Variants in SURF4 observed in about 807,000 individuals in gnomAD.
SURF4 encodes the protein surfeit locus protein 4.
In SURF4, 3 loss-of-function variants were observed where a neutral mutation model predicts 30.0. The observed-to-expected ratio is 0.10, with a 90% CI of 0.05 to 0.26. The LOEUF is 0.26. Among genes scored for constraint, SURF4 ranks in the 10% least tolerant of loss-of-function variants. The probability of loss-of-function intolerance (pLI) is 1.00; values close to 1 mark genes in which losing one functional copy is unlikely to be tolerated. For synonymous variants in SURF4, 143 were observed against 139.9 expected (o/e 1.02, Z -0.16); for missense variants, 217 against 350.8 (o/e 0.62, Z 3.05).
chr9:133,364,243 A>C (rs2130100266), intron 5 of SURF4, among the ~76,000 whole-genome samples: 30 of 152,218 alleles, frequency 2.0e-4, no homozygotes, highest in Non-Finnish European at 4.0e-4. Flanking sequence ...CAGTGAGGAA[A>C]GAAAGAAGAG....
chr9:133,368,428 C>T (rs1428564590), intron 1 of SURF4, among the ~76,000 whole-genome samples: 1 of 152,276 alleles, frequency 6.6e-6, no homozygotes, highest in Non-Finnish European at 1.5e-5. Context: ...GAGCTCTCCC[C>T]TGCAAGCTCA....
upstream of SURF4, chr9:133,376,486 G>C: frequency 1.3e-6 from 2 of 1,593,302 alleles, no homozygotes; most frequent in African/African-American, 1.3e-5. Flanking sequence ...GCTTGGGCCA[G>C]GGTCCAATCG....
chr9:133,375,618 C>T lies in SURF4; in HGVS notation c.48+304G>A, dbSNP rs2130238930. Among the ~76,000 whole-genome samples, 520 of 152,284 alleles carry T rather than the reference C, an allele frequency of 3.4e-3. 11 individuals are homozygous for T. Among genetic ancestry groups the T allele is most frequent in the Admixed American group, 3.5e-3 (54 of 15,308 alleles). ...GACCCAACGCCAGGACTCGCGCCGC[C>T]GGCCCGGGAAGAAACCCCCACAGCC... is the stretch of plus-strand genomic sequence containing the variant. On this transcript the variant is annotated intron_variant, in intron 1 of 5. Coordinates refer to ENST00000371989, the MANE Select transcript of SURF4 (RefSeq NM_033161.4).
At chr9:133,367,179 G>A (rs1230624850) in intron 2 of SURF4, 80 bp downstream of exon 2, 2 of 1,531,346 alleles carry the variant, frequency 1.3e-6, no homozygotes, top group African/African-American at 1.4e-5. Context: ...AGACCCCCGA[G>A]TTCACACACA....
chr9:133,376,543 C>G, upstream of SURF4: 1 of 1,598,798 alleles, frequency 6.3e-7, no homozygotes, highest in Non-Finnish European at 8.5e-7. Context: ...CCCCGGAGAG[C>G]CCATGGAGAA....
At chr9:133,376,418 C>T, upstream of SURF4, 1 of 1,493,584 alleles carries the variant, frequency 6.7e-7, no homozygotes, top group Admixed American at 2.5e-5. Flanking sequence ...GTCCCACTGA[C>T]CCACGCGGGG....
upstream of SURF4, chr9:133,376,292 G>C: frequency 7.5e-7 from 1 of 1,335,064 alleles, no homozygotes; most frequent in Non-Finnish European, 9.5e-7. Flanking sequence ...GGTCCCTCCC[G>C]GCCCGGCGGA....
At chr9:133,366,328 A>C (rs1837171001) in intron 3 of SURF4, among the ~76,000 whole-genome samples, 1 of 152,186 alleles carries the variant, frequency 6.6e-6, no homozygotes, top group Non-Finnish European at 1.5e-5. Context: ...CAACGTGATA[A>C]CAAGACAGCA....
Position 133,366,485 on chromosome 9 carries a change from G to A in SURF4, c.312+114C>T, listed in dbSNP as rs1588709639. ...AAGAGAAAGGAGCTCCAGGCAGTCAGAGACATGCAGGGGGCTGAAGGGGGA... is the reference window on the plus strand; with the variant it reads ...AAGAGAAAGGAGCTCCAGGCAGTCAAAGACATGCAGGGGGCTGAAGGGGGA... On this transcript the variant is annotated intron_variant, in intron 3 of 5. Coordinates refer to ENST00000371989, the MANE Select transcript of SURF4 (RefSeq NM_033161.4). The A allele has an allele frequency of 5.1e-6, 6 of 1,182,126 alleles. No homozygotes were observed. In the East Asian group the frequency reaches 1.4e-4, roughly 28 times the overall value. The allele number at this position is 1,182,126 out of a possible 1,614,324, so 73.2% of individuals were successfully genotyped here.
intron 4 of SURF4, among the ~76,000 whole-genome samples, chr9:133,365,420 C>A (rs1837111285): frequency 6.6e-6 from 1 of 152,142 alleles, no homozygotes; most frequent in Non-Finnish European, 1.5e-5. Flanking sequence ...CTCTACTATT[C>A]TAGGGGCTCT....
chr9:133,366,818 TTAA>T lies in SURF4; in HGVS notation c.236-146_236-144del, dbSNP rs2130133247. Reference sequence around the variant, plus strand: ...AAGCAAAAGACAACTTCTGGAAGAATTAATGATAGGCAAGGACCACACATGGTA... The same window carrying T: ...AAGCAAAAGACAACTTCTGGAAGAATTGATAGGCAAGGACCACACATGGTA... On this transcript the variant is annotated intron_variant, in intron 2 of 5. Coordinates refer to ENST00000371989, the MANE Select transcript of SURF4 (RefSeq NM_033161.4). The T allele has an allele frequency of 6.5e-3, 4,466 of 690,962 alleles. 26 individuals are homozygous for T. Among genetic ancestry groups the T allele is most frequent in the Non-Finnish European group, 9.3e-3 (3,643 of 392,802 alleles). The allele number at this position is 690,962 out of a possible 1,614,324, so 42.8% of individuals were successfully genotyped here.
intron 2 of SURF4, 95 bp from the exon 3 acceptor site, chr9:133,366,770 A>AGGT: frequency 8.7e-7 from 1 of 1,150,364 alleles, no homozygotes; most frequent in Non-Finnish European, 1.3e-6. Context: ...CCTTAGGTCC[A>AGGT]GAGGCAGCCA....
rs2130111422 is a variant in SURF4, at chr9:133,364,930, G to A, written c.453C>T (p.Ser151=). ...CGAGCTGCATGTACTGTTTGGGGGA[G>A]CTCTCACGCATGGTGGGGACGCCCG... The part of the protein sequence containing the change: ...MFAGVPTMRE[S]SPKQYMQLGG... The change falls in exon 5 of 6, where the codon AGC becomes AGT. Residue 151 remains serine, a synonymous_variant. Transcript: ENST00000371989. 2 of 1,613,924 alleles carry A rather than the reference G, an allele frequency of 1.2e-6. No individual in the cohort carries two copies. Among genetic ancestry groups the A allele is most frequent in the Non-Finnish European group, 1.7e-6 (2 of 1,179,910 alleles).
chr9:133,377,521 G>A (rs2130254604), upstream of SURF4, among the ~76,000 whole-genome samples: 2 of 152,352 alleles, frequency 1.3e-5, no homozygotes, highest in Admixed American at 1.3e-4. Context: ...AAATTAGCCA[G>A]GTGTGGTGGC....
upstream of SURF4, chr9:133,376,106 T>A: frequency 8.3e-7 from 1 of 1,202,076 alleles, no homozygotes; most frequent in Non-Finnish European, 1.0e-6. Context: ...CTCCAGCGGC[T>A]GCCACGTAGG....
intron 1 of SURF4, among the ~76,000 whole-genome samples, chr9:133,368,938 G>A (rs2130164879): frequency 6.6e-6 from 1 of 152,186 alleles, no homozygotes; most frequent in Non-Finnish European, 1.5e-5. Context: ...AGCTGCACAG[G>A]CCTCCTAGGG....
intron 1 of SURF4, among the ~76,000 whole-genome samples, chr9:133,373,560 G>T (rs923630290): frequency 6.8e-6 from 1 of 147,400 alleles, no homozygotes; most frequent in Admixed American, 6.8e-5. Context: ...ATGAGATTGC[G>T]CCACTGCACT....
At position 133,368,909 on chromosome 9, in the gene SURF4, C is replaced by T. The variant is rs1257770585; in HGVS notation, c.49-1464G>A. Among the ~76,000 whole-genome samples, 3 of 152,192 alleles carry T rather than the reference C, an allele frequency of 2.0e-5. No individual in the cohort carries two copies. In the East Asian group the frequency reaches 5.8e-4, roughly 29 times the overall value. ...AGAGCACCCGAGAGGCTGACCCCCA[C>T]GGGAGGCGAGCGAACGTCAGCTGCA... is the stretch of plus-strand genomic sequence containing the variant. On this transcript the variant is annotated intron_variant, in intron 1 of 5. Coordinates refer to ENST00000371989, the MANE Select transcript of SURF4 (RefSeq NM_033161.4).
At chr9:133,371,053 C>CT in intron 1 of SURF4, 1 of 1,253,634 alleles carries the variant, frequency 8.0e-7, no homozygotes, top group Non-Finnish European at 1.0e-6. Flanking sequence ...TATATCCACC[C>CT]TGAGATGACT....
Sources: gnomAD v4.1 joint callset for allele counts (sites outside exome capture counted in the v4.1 genomes callset) on GRCh38, gnomAD v4.1.1 for gene constraint, MANE v1.5 for transcripts, NCBI Gene and HGNC (gene_info 2026-07-23, HGNC 2026-07-21) for gene names.